Variants in ABCD3 observed in about 807,000 individuals in gnomAD.
ABCD3 encodes the protein ATP-binding cassette sub-family D member 3.
A neutral mutation model predicts 105.5 loss-of-function variants in ABCD3; 41 were observed. That is an observed-to-expected ratio of 0.39 (90% CI 0.30 to 0.50). The LOEUF (loss-of-function observed/expected upper bound fraction) is 0.50. Among genes scored for constraint, ABCD3 ranks in the 20% least tolerant of loss-of-function variants. ABCD3 has a pLI of 0.84. For synonymous variants in ABCD3, 258 were observed against 269.0 expected, an observed-to-expected ratio of 0.96 and a Z score of 0.40; for missense variants, 622 against 806.3, an observed-to-expected ratio of 0.77 and a Z score of 2.77.
chr1:94,437,300 G>T (rs1308184719), intron 1 of ABCD3, among the ~76,000 whole-genome samples: 1 of 152,194 alleles, frequency 6.6e-6, no homozygotes, highest in Non-Finnish European at 1.5e-5. Flanking sequence ...TTGCTTCAAA[G>T]AACAGTCTGA....
At position 94,475,664 on chromosome 1, in the gene ABCD3, C is replaced by T. The variant is rs1190261030; in HGVS notation, c.554C>T (p.Pro185Leu). 6.2e-7 allele frequency: 1 copy of T among 1,611,522 alleles called. No individual in the cohort carries two copies. Among genetic ancestry groups the T allele is most frequent in the African/African-American group, 1.3e-5 (1 of 74,822 alleles). ...MGNLDNRIAN[P>L]DQLLTQDVEK... Reference sequence around the variant, plus strand: ...AATCTGGACAACAGAATAGCTAATCCAGACCAGCTGCTTACACAAGATGTA... The same window carrying T: ...AATCTGGACAACAGAATAGCTAATCTAGACCAGCTGCTTACACAAGATGTA... The change falls in exon 7 of 23, where the codon CCA becomes CTA. Residue 185 changes from proline to leucine, a missense_variant. By Grantham distance (98) the Pro-to-Leu change is moderately conservative. This residue lies in a region of ABCD3 where 245 missense variants were observed against 356.4 expected (regional missense o/e 0.69). Coordinates refer to ENST00000370214, the MANE Select transcript of ABCD3 (RefSeq NM_002858.4).
At chr1:94,468,049 A>G in intron 4 of ABCD3, 42 bp downstream of exon 4, 1 of 1,369,168 alleles carries the variant, frequency 7.3e-7, no homozygotes, top group Non-Finnish European at 1.0e-6. Flanking sequence ...ATGAAATGCT[A>G]ATTTGTCTCA....
At chr1:94,413,812 C>G (rs749664349), upstream of ABCD3, among the ~76,000 whole-genome samples, 3 of 152,094 alleles carry the variant, frequency 2.0e-5, no homozygotes, top group Non-Finnish European at 4.4e-5. Flanking sequence ...TCTGCCTCCC[C>G]AGACACCCTA....
chr1:94,480,051 TGAGAA>T lies in ABCD3; in HGVS notation c.685-407_685-403del, dbSNP rs576835717. Among the ~76,000 whole-genome samples, 1,394 of 151,644 alleles carry T rather than the reference TGAGAA, an allele frequency of 9.2e-3. 25 individuals carry two copies. Among genetic ancestry groups the T allele is most frequent in the African/African-American group, 0.033 (1,348 of 41,296 alleles). ...TAGGACTAGAGGTATAGATTTGAGA[TGAGAA>T]GAGAACTAAGGAAGGAGTTTGAGGG... On this transcript the variant is annotated intron_variant, in intron 8 of 22. Coordinates refer to ENST00000370214, the MANE Select transcript of ABCD3 (RefSeq NM_002858.4).
the ABCD3 span, among the ~76,000 whole-genome samples, chr1:94,389,859 C>T: frequency 3.3e-5 from 5 of 152,176 alleles, no homozygotes; most frequent in Non-Finnish European, 7.3e-5. Context: ...ATATTTGCTA[C>T]TTCCTGTGCA....
chr1:94,480,575 A>T lies in ABCD3; in HGVS notation c.796A>T (p.Arg266Ter). 1.2e-6 allele frequency: 2 copies of T among 1,613,864 alleles called. No individual in the cohort carries two copies. The highest frequency in any genetic ancestry group is 1.7e-6 in the Non-Finnish European group (2 of 1,179,796). Residue 266 changes from arginine (R) to a stop codon, truncating the protein, a stop_gained, in exon 9 of 23, where the codon AGA (arginine) becomes TGA (stop). Coordinates refer to ENST00000370214, the MANE Select transcript of ABCD3 (RefSeq NM_002858.4). LOFTEE classifies it high-confidence loss of function. ...ITEQKYEGEY[R>*]YVNSRLITNS... Reference sequence around the variant, plus strand: ...TGAGCAAAAGTATGAAGGAGAATATAGATATGTTAATTCTCGGCTCATCAC... The same window carrying T: ...TGAGCAAAAGTATGAAGGAGAATATTGATATGTTAATTCTCGGCTCATCAC...
At chr1:94,494,616 A>G (rs184959088) in intron 16 of ABCD3, among the ~76,000 whole-genome samples, 22 of 152,292 alleles carry the variant, frequency 1.4e-4, no homozygotes, top group African/African-American at 5.1e-4. Flanking sequence ...TGGCCCCTCA[A>G]ATAAATCTTT....
chr1:94,498,323 T>C (rs1278268263), intron 16 of ABCD3, among the ~76,000 whole-genome samples: 1 of 151,996 alleles, frequency 6.6e-6, no homozygotes, highest in Non-Finnish European at 1.5e-5. Context: ...CCTCCTGCCT[T>C]AGCCTCCCAA....
intron 4 of ABCD3, 23 bp from the exon 5 acceptor site, chr1:94,473,743 G>C: frequency 1.3e-6 from 2 of 1,592,356 alleles, no homozygotes; most frequent in Non-Finnish European, 1.7e-6. Flanking sequence ...TGCAACTAAT[G>C]CATTGCATGT....
At chr1:94,402,420 T>C in the ABCD3 span, among the ~76,000 whole-genome samples, 1 of 152,218 alleles carries the variant, frequency 6.6e-6, no homozygotes, top group East Asian at 1.9e-4. Context: ...TTATCATTTA[T>C]GTGTGTGCTC....
At chr1:94,418,829 C>T in intron 1 of ABCD3, 1 of 550,130 alleles carries the variant, frequency 1.8e-6, no homozygotes, top group South Asian at 2.2e-5. Context: ...TTCTTCTGTG[C>T]CCGCGGGCGA....
At chr1:94,405,488 C>T in the ABCD3 span, among the ~76,000 whole-genome samples, 1 of 151,920 alleles carries the variant, frequency 6.6e-6, no homozygotes, top group Non-Finnish European at 1.5e-5. Flanking sequence ...ATTTTTAGTA[C>T]AGACAGGGTT....
chr1:94,480,054 G>GA (rs763543403), intron 8 of ABCD3, among the ~76,000 whole-genome samples: 3 of 149,176 alleles, frequency 2.0e-5, no homozygotes, highest in Non-Finnish European at 4.4e-5. Context: ...TTTGAGATGA[G>GA]AAGAGAACTA....
chr1:94,457,919 T>A (rs994231437), intron 1 of ABCD3, among the ~76,000 whole-genome samples: 2 of 152,156 alleles, frequency 1.3e-5, no homozygotes, highest in African/African-American at 4.8e-5. Context: ...AGCATGGAAC[T>A]AGTTTAATGG....
chr1:94,393,213 T>C, the ABCD3 span, among the ~76,000 whole-genome samples: 1 of 152,166 alleles, frequency 6.6e-6, no homozygotes, highest in African/African-American at 2.4e-5. Flanking sequence ...ATAGAATGCT[T>C]AGCACAATCT....
At chr1:94,506,791 T>C (rs1215058286) in intron 21 of ABCD3, 149 bp downstream of exon 21, 2 of 601,174 alleles carry the variant, frequency 3.3e-6, no homozygotes, top group Admixed American at 2.9e-5. Flanking sequence ...TTAAAACATA[T>C]GAATAAAAGA....
intron 20 of ABCD3, among the ~76,000 whole-genome samples, chr1:94,502,132 G>A (rs2101047085): frequency 6.6e-6 from 1 of 152,180 alleles, no homozygotes; most frequent in Non-Finnish European, 1.5e-5. Context: ...CTAAATCCCA[G>A]CCCAGTTATT....
intron 9 of ABCD3, among the ~76,000 whole-genome samples, chr1:94,481,282 A>G (rs1003297600): frequency 1.4e-4 from 22 of 152,320 alleles, no homozygotes; most frequent in Admixed American, 1.4e-3. Context: ...ATGTTAAGTC[A>G]TTTTGAGGGT....
chr1:94,491,792 A>C (rs1485958167), intron 16 of ABCD3, among the ~76,000 whole-genome samples: 1 of 152,170 alleles, frequency 6.6e-6, no homozygotes, highest in Non-Finnish European at 1.5e-5. Flanking sequence ...AGACCAAATT[A>C]AAAAGAAAAG....
Sources: allele counts gnomAD v4.1 joint callset (sites outside exome capture counted in the v4.1 genomes callset), GRCh38; gene constraint gnomAD v4.1.1; regional missense constraint gnomAD v4.1.1; transcripts MANE v1.5; gene names NCBI Gene and HGNC (gene_info 2026-07-23, HGNC 2026-07-21).